The following EYS variants were observed in gnomAD, a reference collection of about 807,000 sequenced individuals.
The protein encoded by EYS is protein eyes shut homolog.
EYS carries 250 observed loss-of-function variants against 282.1 expected under a neutral mutation model. The ratio of observed to expected loss-of-function variants is 0.89; its 90% confidence interval spans 0.80 to 0.98. The LOEUF (loss-of-function observed/expected upper bound fraction) is 0.98. Among genes scored for constraint, EYS ranks in the 50% least tolerant of loss-of-function variants. The probability of loss-of-function intolerance (pLI) is 0.00; values close to 1 mark genes in which losing one functional copy is unlikely to be tolerated. For missense variants in EYS, 4,016 were observed against 3,709.0 expected (o/e 1.08, Z -2.15); for synonymous variants, 1,355 against 1,282.9 (o/e 1.06, Z -1.20).
chr6:64,988,621 ACT>A (rs1410926820), intron 14 of EYS, among the ~76,000 whole-genome samples: 1 of 151,370 alleles, frequency 6.6e-6, no homozygotes, highest in Non-Finnish European at 1.5e-5. Flanking sequence ...CATTGTCATA[ACT>A]CAGCCTTGAG....
At chr6:64,783,071 T>C (rs978963339) in intron 22 of EYS, among the ~76,000 whole-genome samples, 1 of 152,102 alleles carries the variant, frequency 6.6e-6, no homozygotes, top group African/African-American at 2.4e-5. Context: ...GAATCATCCT[T>C]TTGTCCAGTA....
intron 33 of EYS, among the ~76,000 whole-genome samples, chr6:64,030,432 C>A (rs1054493136): frequency 6.6e-6 from 1 of 152,192 alleles, no homozygotes; most frequent in African/African-American, 2.4e-5. Context: ...ACTTTACAAT[C>A]CCAAATAGAC....
At chr6:64,144,068 T>C (rs952921049) in intron 31 of EYS, among the ~76,000 whole-genome samples, 5 of 152,294 alleles carry the variant, frequency 3.3e-5, no homozygotes, top group African/African-American at 1.2e-4. Context: ...GGGAAAGGAA[T>C]TCCCAGGCAT....
At chr6:65,079,784 A>G (rs1203335182) in intron 12 of EYS, among the ~76,000 whole-genome samples, 4 of 152,048 alleles carry the variant, frequency 2.6e-5, no homozygotes, top group African/African-American at 9.7e-5. Context: ...CTCTATCTTC[A>G]TACACATCTG....
chr6:64,552,928 C>G (rs1462871246), intron 26 of EYS, among the ~76,000 whole-genome samples: 1 of 141,036 alleles, frequency 7.1e-6, no homozygotes, highest in African/African-American at 2.6e-5. Context: ...CCCCCGCCCC[C>G]TCCCCCCCAA....
At chr6:65,545,701 A>G (rs556375016) in intron 2 of EYS, among the ~76,000 whole-genome samples, 42 of 152,292 alleles carry the variant, frequency 2.8e-4, no homozygotes, top group African/African-American at 9.9e-4. Flanking sequence ...CTACATATTT[A>G]TGGAGGGATT....
chr6:65,382,626 T>A (rs1474453029), intron 8 of EYS, among the ~76,000 whole-genome samples: 2 of 151,766 alleles, frequency 1.3e-5, no homozygotes, highest in Admixed American at 6.6e-5. Flanking sequence ...TATCACAGGG[T>A]CCCACAGTAG....
At chr6:64,858,591 G>T (rs1430177335) in intron 19 of EYS, among the ~76,000 whole-genome samples, 1 of 151,914 alleles carries the variant, frequency 6.6e-6, no homozygotes. Flanking sequence ...GTATTTTGTA[G>T]TTCCATCCAA....
At chr6:64,032,794 G>A (rs1048040671) in intron 33 of EYS, among the ~76,000 whole-genome samples, 5 of 152,178 alleles carry the variant, frequency 3.3e-5, no homozygotes, top group Non-Finnish European at 7.4e-5. Flanking sequence ...AGAGGCATGA[G>A]GCTATACAGA....
At chr6:64,105,041 G>T (rs1772961455) in intron 31 of EYS, among the ~76,000 whole-genome samples, 1 of 151,820 alleles carries the variant, frequency 6.6e-6, no homozygotes, top group Admixed American at 6.6e-5. Context: ...ATGAGAGAGA[G>T]GGGGCGGGGA....
intron 5 of EYS, among the ~76,000 whole-genome samples, chr6:65,457,422 T>A (rs371351097): frequency 6.6e-6 from 1 of 151,992 alleles, no homozygotes; most frequent in Non-Finnish European, 1.5e-5. Context: ...ACCTCAGCCT[T>A]CCTAAGTGCT....
chr6:63,778,616 CTTAT>C (rs1318258112), intron 39 of EYS, among the ~76,000 whole-genome samples: 2 of 152,002 alleles, frequency 1.3e-5, no homozygotes, highest in Admixed American at 6.6e-5. Context: ...ATACCATTGA[CTTAT>C]TTATACTTTT....
At chr6:65,368,079 G>A (rs576791914) in intron 8 of EYS, among the ~76,000 whole-genome samples, 4 of 151,642 alleles carry the variant, frequency 2.6e-5, no homozygotes, top group South Asian at 4.1e-4. Flanking sequence ...ATGGCAGCAG[G>A]AAGGAGAAGT....
intron 22 of EYS, among the ~76,000 whole-genome samples, chr6:64,665,981 T>C (rs911065550): frequency 1.3e-5 from 2 of 152,256 alleles, no homozygotes; most frequent in East Asian, 1.9e-4. Flanking sequence ...AGCAAACTAA[T>C]GCAGGAACAG....
chr6:64,100,821 G>T lies in EYS; in HGVS notation c.6425-18819C>A, dbSNP rs370957373. 7.2e-4 allele frequency among the ~76,000 whole-genome samples: 109 copies of T among 152,240 alleles called. 1 individual carries two copies. The highest frequency in any genetic ancestry group is 2.6e-3 in the African/African-American group (108 of 41,526). ...GGTTACTTACCCAACTGTAGCTGAC[G>T]TGGCTGAGCACCAGTAGTTTTCTTG... On this transcript the variant is annotated intron_variant, in intron 31 of 42. Coordinates refer to ENST00000503581, the MANE Select transcript of EYS (RefSeq NM_001142800.2).
intron 13 of EYS, among the ~76,000 whole-genome samples, chr6:65,017,844 T>G (rs1772103878): frequency 6.6e-6 from 1 of 152,148 alleles, no homozygotes; most frequent in Non-Finnish European, 1.5e-5. Flanking sequence ...GATAACAATT[T>G]TCGTAATACT....
intron 16 of EYS, among the ~76,000 whole-genome samples, chr6:64,902,731 C>T (rs1767707066): frequency 6.6e-6 from 1 of 152,112 alleles, no homozygotes; most frequent in Non-Finnish European, 1.5e-5. Context: ...GAATACTCCA[C>T]TAAATCCCCT....
rs541638393 is a variant in EYS at position 65,103,196 on chromosome 6, G to A, written c.2024-45469C>T. Among the ~76,000 whole-genome samples, 21 of 151,488 alleles carry A rather than the reference G, an allele frequency of 1.4e-4. No individual in the cohort carries two copies. The East Asian group carries it at 3.9e-3, about 28-fold the overall frequency. ...ATGGATAATTCAGATACACATTAAAGGTCAAGAATCATTAACCTATGAGTT... is the reference window on the plus strand; with the variant it reads ...ATGGATAATTCAGATACACATTAAAAGTCAAGAATCATTAACCTATGAGTT... On this transcript the variant is annotated intron_variant, in intron 12 of 42. Coordinates refer to ENST00000503581, the MANE Select transcript of EYS (RefSeq NM_001142800.2).
intron 10 of EYS, among the ~76,000 whole-genome samples, chr6:65,341,031 A>T (rs957656181): frequency 1.2e-4 from 18 of 151,144 alleles, no homozygotes; most frequent in South Asian, 4.1e-4. Flanking sequence ...AATAAAAAAA[A>T]TTCGAATATA....
Sources: gnomAD v4.1 joint callset for allele counts (sites outside exome capture counted in the v4.1 genomes callset) on GRCh38, gnomAD v4.1.1 for gene constraint, MANE v1.5 for transcripts, NCBI Gene and HGNC (gene_info 2026-07-23, HGNC 2026-07-21) for gene names.